PCCA: variants seen among roughly 807,000 people sequenced by gnomAD.
PCCA encodes the protein propionyl-CoA carboxylase subunit alpha, also known as propionyl-CoA carboxylase alpha chain, mitochondrial.
A neutral mutation model predicts 101.3 loss-of-function variants in PCCA; 74 were observed. That is an observed-to-expected ratio of 0.73 (90% CI 0.61 to 0.89). PCCA has a LOEUF of 0.89. Among genes scored for constraint, PCCA ranks in the 40% least tolerant of loss-of-function variants. PCCA has a pLI of 0.00. For missense variants in PCCA, 891 were observed against 907.0 expected (o/e 0.98, Z 0.23); for synonymous variants, 294 against 313.6 (o/e 0.94, Z 0.66).
chr13:100,102,069 C>T (rs900595465), intron 1 of PCCA, among the ~76,000 whole-genome samples: 1 of 152,014 alleles, frequency 6.6e-6, no homozygotes, highest in African/African-American at 2.4e-5. Context: ...CTAGCTTTAA[C>T]AGTGACTACT....
chr13:100,266,863 A>G (rs1050765415), intron 10 of PCCA, among the ~76,000 whole-genome samples: 15 of 152,338 alleles, frequency 9.8e-5, no homozygotes, highest in Admixed American at 7.8e-4. Context: ...AGGAAGCAGT[A>G]TAGCTTAGAG....
chr13:100,287,566 T>A (rs2064777457), intron 12 of PCCA, among the ~76,000 whole-genome samples: 1 of 152,176 alleles, frequency 6.6e-6, no homozygotes, highest in Non-Finnish European at 1.5e-5. Flanking sequence ...GTTTCTCTTT[T>A]ACAAAAGTAA....
chr13:100,254,046 G>T (rs2061923662), intron 8 of PCCA, among the ~76,000 whole-genome samples: 1 of 152,002 alleles, frequency 6.6e-6, no homozygotes, highest in Non-Finnish European at 1.5e-5. Context: ...GGCTGGGGAG[G>T]CCTCACGATC....
chr13:100,493,577 T>C (rs559435718), intron 21 of PCCA, among the ~76,000 whole-genome samples: 86 of 152,294 alleles, frequency 5.6e-4, no homozygotes, highest in African/African-American at 1.9e-3. Flanking sequence ...ACCCCAGTTC[T>C]TGCAAACCCC....
intron 21 of PCCA, among the ~76,000 whole-genome samples, chr13:100,467,995 C>G (rs2082671832): frequency 6.6e-6 from 1 of 152,206 alleles, no homozygotes; most frequent in Admixed American, 6.5e-5. Flanking sequence ...GCTGAAACGA[C>G]TGCTTGATCC....
intron 21 of PCCA, among the ~76,000 whole-genome samples, chr13:100,469,232 C>T (rs1200780711): frequency 1.2e-5 from 1 of 84,832 alleles, no homozygotes; most frequent in African/African-American, 4.6e-5. Context: ...AAAAAAGAAT[C>T]CCTTTGGTTC....
intron 16 of PCCA, among the ~76,000 whole-genome samples, chr13:100,312,563 C>T (rs2067007610): frequency 6.6e-6 from 1 of 152,186 alleles, no homozygotes; most frequent in African/African-American, 2.4e-5. Context: ...CCCTCTGACC[C>T]AGCTATTCAT....
intron 7 of PCCA, among the ~76,000 whole-genome samples, chr13:100,226,155 T>A (rs1363014969): frequency 6.6e-6 from 1 of 152,218 alleles, no homozygotes; most frequent in African/African-American, 2.4e-5. Flanking sequence ...AACTGGATTA[T>A]GTGGAAGCTA....
At chr13:100,245,635 G>A (rs1455929449) in intron 8 of PCCA, among the ~76,000 whole-genome samples, 2 of 152,104 alleles carry the variant, frequency 1.3e-5, no homozygotes, top group African/African-American at 4.8e-5. Context: ...CTCAGTTTTG[G>A]TAATCATCAA....
intron 21 of PCCA, among the ~76,000 whole-genome samples, chr13:100,505,872 C>CA (rs1281720317): frequency 2.6e-4 from 40 of 151,476 alleles, no homozygotes; most frequent in South Asian, 2.1e-4. Context: ...CCATCCCCCC[C>CA]AAAAAAATCC....
intron 21 of PCCA, among the ~76,000 whole-genome samples, chr13:100,461,205 C>G (rs563701752): frequency 1.3e-5 from 2 of 152,342 alleles, no homozygotes; most frequent in South Asian, 2.1e-4. Flanking sequence ...AGCAGCTACA[C>G]AGTTGCAACT....
intron 4 of PCCA, among the ~76,000 whole-genome samples, chr13:100,131,193 A>C (rs998566334): frequency 6.6e-6 from 1 of 152,160 alleles, no homozygotes; most frequent in Non-Finnish European, 1.5e-5. Flanking sequence ...AGGTCTGTGC[A>C]AACGAAGGAT....
intron 4 of PCCA, chr13:100,150,679 A>T (rs1210459009): frequency 8.8e-6 from 13 of 1,470,402 alleles, no homozygotes; most frequent in Non-Finnish European, 1.2e-5. Flanking sequence ...TGATAGCTTT[A>T]TGGAATGGAT....
intron 6 of PCCA, among the ~76,000 whole-genome samples, chr13:100,192,574 G>T (rs142144922): frequency 1.3e-5 from 2 of 152,156 alleles, no homozygotes; most frequent in African/African-American, 4.8e-5. Flanking sequence ...AACTGTTTAC[G>T]CATGCACCAG....
At chr13:100,254,551 T>C (rs2152553069) in intron 8 of PCCA, among the ~76,000 whole-genome samples, 1 of 152,252 alleles carries the variant, frequency 6.6e-6, no homozygotes, top group South Asian at 2.1e-4. Flanking sequence ...TCCCATTTAC[T>C]TATCTTAATT....
chr13:100,321,361 A>G (rs1374344481), intron 16 of PCCA, among the ~76,000 whole-genome samples: 2 of 152,176 alleles, frequency 1.3e-5, no homozygotes, highest in African/African-American at 4.8e-5. Flanking sequence ...TATTGCCTTC[A>G]GTTGCTTTTC....
At chr13:100,438,780 T>C (rs2080128115) in intron 20 of PCCA, among the ~76,000 whole-genome samples, 1 of 152,080 alleles carries the variant, frequency 6.6e-6, no homozygotes, top group African/African-American at 2.4e-5. Flanking sequence ...CCTTATTCTT[T>C]GGTTTCTTGG....
intron 4 of PCCA, among the ~76,000 whole-genome samples, chr13:100,145,936 G>A (rs1462486176): frequency 6.9e-6 from 1 of 145,124 alleles, no homozygotes; most frequent in African/African-American, 2.5e-5. Flanking sequence ...ACAAAAGATA[G>A]TTTTGCTTTT....
At chr13:100,489,080 C>T (rs908548054) in intron 21 of PCCA, among the ~76,000 whole-genome samples, 10 of 151,974 alleles carry the variant, frequency 6.6e-5, no homozygotes, top group East Asian at 5.8e-4. Context: ...CCGAGGCAGG[C>T]GGATCACCAG....
Sources: allele counts gnomAD v4.1 joint callset (sites outside exome capture counted in the v4.1 genomes callset), GRCh38; gene constraint gnomAD v4.1.1; transcripts MANE v1.5; gene names NCBI Gene and HGNC (gene_info 2026-07-23, HGNC 2026-07-21).